Variants in EPHA7 observed in about 807,000 individuals in gnomAD.
EPHA7 encodes the protein ephrin type-A receptor 7.
Under a neutral mutation model 112.6 loss-of-function variants are expected in EPHA7, and 25 were observed. That is an observed-to-expected ratio of 0.22 (90% confidence interval 0.16 to 0.31). EPHA7 has a LOEUF of 0.31. Among genes scored for constraint, EPHA7 ranks in the 10% least tolerant of loss-of-function variants. EPHA7 has a pLI of 1.00. For missense variants in EPHA7, 962 were observed against 1,212.6 expected, an observed-to-expected ratio of 0.79 and a Z score of 3.07; for synonymous variants, 437 against 406.5, an observed-to-expected ratio of 1.07 and a Z score of -0.90.
chr6:93,371,570 A>T (rs866447118), intron 3 of EPHA7, among the ~76,000 whole-genome samples: 18 of 152,204 alleles, frequency 1.2e-4, no homozygotes, highest in Middle Eastern at 6.3e-3. Context: ...GTGTGCATAT[A>T]TTTCAATCTG....
intron 5 of EPHA7, among the ~76,000 whole-genome samples, chr6:93,355,985 T>C (rs9363070): frequency 0.18 from 27,910 of 152,142 alleles, 2,911 homozygotes; most frequent in East Asian, 0.36. Flanking sequence ...GATCATAGTC[T>C]ATGTAGTAAA....
intron 3 of EPHA7, among the ~76,000 whole-genome samples, chr6:93,390,591 A>G (rs921832392): frequency 4.6e-5 from 7 of 151,370 alleles, no homozygotes; most frequent in Non-Finnish European, 8.9e-5. Flanking sequence ...AAAAGTTTAT[A>G]CACATACAGG....
chr6:93,346,377 T>G (rs1181685964), intron 5 of EPHA7, among the ~76,000 whole-genome samples: 1 of 151,754 alleles, frequency 6.6e-6, no homozygotes, highest in Non-Finnish European at 1.5e-5. Context: ...ATGGGCACGA[T>G]AGCTAGCTAC....
chr6:93,259,664 T>A (rs1217642311), intron 9 of EPHA7, among the ~76,000 whole-genome samples, 185 bp from the exon 10 acceptor site: 1 of 151,990 alleles, frequency 6.6e-6, no homozygotes, highest in African/African-American at 2.4e-5. Flanking sequence ...CAAGCTTCTA[T>A]AGGTAACATA....
chr6:93,400,858 T>C (rs1480945551), intron 3 of EPHA7, among the ~76,000 whole-genome samples: 1 of 152,096 alleles, frequency 6.6e-6, no homozygotes, highest in Non-Finnish European at 1.5e-5. Context: ...CTTTAAAAAG[T>C]AGACTAGGTT....
Position 93,248,219 on chromosome 6 carries a change from C to G in EPHA7, c.2533-1234G>C, listed in dbSNP as rs1476127742. 3.9e-5 allele frequency among the ~76,000 whole-genome samples: 6 copies of G among 152,136 alleles called. No individual in the cohort carries two copies. The East Asian group carries it at 1.2e-3, about 29-fold the overall frequency. On this transcript the variant is annotated intron_variant, in intron 14 of 16. Coordinates refer to ENST00000369303, the MANE Select transcript of EPHA7 (RefSeq NM_004440.4). ...TGGTCTTAATATTTTTAGGGAAACA[C>G]ATCCTTAAGATGCATGCTGACATTC...
intron 5 of EPHA7, among the ~76,000 whole-genome samples, chr6:93,301,118 C>G (rs1772956282): frequency 6.6e-6 from 1 of 152,170 alleles, no homozygotes; most frequent in Non-Finnish European, 1.5e-5. Context: ...TAGCATATGA[C>G]TGTATCTCTC....
intron 7 of EPHA7, among the ~76,000 whole-genome samples, chr6:93,266,440 C>A (rs1199652894): frequency 6.6e-6 from 1 of 151,600 alleles, no homozygotes; most frequent in Non-Finnish European, 1.5e-5. Flanking sequence ...TTTATTTATA[C>A]ATTTTTGTAT....
intron 5 of EPHA7, among the ~76,000 whole-genome samples, chr6:93,294,904 C>A (rs1255462544): frequency 6.6e-6 from 1 of 151,790 alleles, no homozygotes; most frequent in Non-Finnish European, 1.5e-5. Context: ...ATATTAAAAC[C>A]AGATTGGCTT....
At chr6:93,262,552 C>A (rs1356073393) in intron 9 of EPHA7, among the ~76,000 whole-genome samples, 1 of 151,336 alleles carries the variant, frequency 6.6e-6, no homozygotes, top group Non-Finnish European at 1.5e-5. Flanking sequence ...AAGTAAGAGG[C>A]CTTGAATATT....
chr6:93,241,218 A>G lies in EPHA7; in HGVS notation c.*2208T>C. 1 of 217,736 alleles carries G rather than the reference A, an allele frequency of 4.6e-6. No homozygotes were observed. Among genetic ancestry groups the G allele is most frequent in the Non-Finnish European group, 9.2e-6 (1 of 108,220 alleles). 13.5% of individuals were successfully genotyped at this position (217,736 alleles called of 1,614,324 possible). On this transcript the variant is annotated 3_prime_UTR_variant, in exon 17 of 17. Coordinates refer to ENST00000369303, the MANE Select transcript of EPHA7 (RefSeq NM_004440.4). ...TGTTAATTTAATTTTAATAGAAAAA[A>G]TAAGCACCTTAAGCTATGAACAAGA...
At chr6:93,387,406 T>G (rs1431053717) in intron 3 of EPHA7, among the ~76,000 whole-genome samples, 1 of 152,140 alleles carries the variant, frequency 6.6e-6, no homozygotes, top group African/African-American at 2.4e-5. Context: ...TCAATAAGTC[T>G]CTAGGAAATT....
chr6:93,356,023 G>A (rs77904969), intron 5 of EPHA7, among the ~76,000 whole-genome samples: 3,459 of 152,222 alleles, frequency 0.023, 141 homozygotes, highest in African/African-American at 0.078. Context: ...GTGAGACAAT[G>A]AAGCCAACTC....
chr6:93,283,912 C>T (rs1224505981), intron 5 of EPHA7, among the ~76,000 whole-genome samples: 1 of 152,032 alleles, frequency 6.6e-6, no homozygotes, highest in Non-Finnish European at 1.5e-5. Flanking sequence ...ACTATAAATA[C>T]AATTTAAAGT....
chr6:93,405,801 GTGTGTGTGTGTGTATATATATATA>G (rs1272488300), intron 3 of EPHA7, among the ~76,000 whole-genome samples: 7 of 64,364 alleles, frequency 1.1e-4, no homozygotes, highest in Non-Finnish European at 1.5e-4. Flanking sequence ...GTGTGTGTGT[GTGTGTGTGTGTGTATATATATATA>G]TATATATATA....
chr6:93,364,535 CA>C (rs35503890), intron 3 of EPHA7, among the ~76,000 whole-genome samples: 342 of 90,346 alleles, frequency 3.8e-3, no homozygotes, highest in African/African-American at 5.4e-3. Context: ...AACTCCGTCT[CA>C]AAAAAAAAAA....
At chr6:93,406,407 T>C (rs976319885) in intron 3 of EPHA7, among the ~76,000 whole-genome samples, 2 of 151,762 alleles carry the variant, frequency 1.3e-5, no homozygotes, top group East Asian at 3.9e-4. Flanking sequence ...CCCAGGCATA[T>C]CGGGCATATG....
In EPHA7 at chr6:93,240,616, G is replaced by C. The variant is rs1769650021; in HGVS notation, c.*2810C>G. On this transcript the variant is annotated 3_prime_UTR_variant, in exon 17 of 17. Coordinates refer to ENST00000369303, the MANE Select transcript of EPHA7 (RefSeq NM_004440.4). ...TGAATGCAAAACACAGGTCAAGTGT[G>C]AGGACAGTGTTCTAAAAAAGGTGGC... 2 of 217,410 alleles carry C rather than the reference G, an allele frequency of 9.2e-6. No individual in the cohort carries two copies. Among genetic ancestry groups the C allele is most frequent in the Non-Finnish European group, 1.8e-5 (2 of 108,118 alleles). 13.5% of individuals were successfully genotyped at this position (217,410 alleles called of 1,614,324 possible).
chr6:93,375,886 T>A (rs1251156351), intron 3 of EPHA7, among the ~76,000 whole-genome samples: 2 of 152,296 alleles, frequency 1.3e-5, no homozygotes, highest in South Asian at 4.1e-4. Flanking sequence ...AGCTCCCATT[T>A]TCCTCATTCA....
Sources: allele counts gnomAD v4.1 joint callset (sites outside exome capture counted in the v4.1 genomes callset), GRCh38; gene constraint gnomAD v4.1.1; transcripts MANE v1.5; gene names NCBI Gene and HGNC (gene_info 2026-07-23, HGNC 2026-07-21).